Variants in DLG2 observed in about 807,000 individuals in gnomAD.
DLG2 encodes disks large homolog 2.
A neutral mutation model predicts 132.5 loss-of-function variants in DLG2; 45 were observed. The observed-to-expected ratio is 0.34, with a 90% CI of 0.27 to 0.44. The LOEUF is 0.44. Among genes scored for constraint, DLG2 ranks in the 20% least tolerant of loss-of-function variants. The pLI, the probability that DLG2 is intolerant of heterozygous loss-of-function variation, is 1.00. For synonymous variants in DLG2, 424 were observed against 419.6 expected (o/e 1.01, Z -0.13); for missense variants, 1,045 against 1,196.9 (o/e 0.87, Z 1.87).
intron 19 of DLG2, among the ~76,000 whole-genome samples, chr11:83,582,643 T>G (rs1293419532): frequency 2.6e-5 from 4 of 152,204 alleles, no homozygotes; most frequent in Non-Finnish European, 5.9e-5. Context: ...GTTGTATTTG[T>G]GGGATATATA....
chr11:84,600,816 C>G (rs924048125), intron 6 of DLG2, among the ~76,000 whole-genome samples: 2 of 152,020 alleles, frequency 1.3e-5, no homozygotes, highest in African/African-American at 4.8e-5. Flanking sequence ...TGAATTATCA[C>G]TATTAATTAA....
chr11:84,833,906 A>T (rs1041015576), intron 6 of DLG2, among the ~76,000 whole-genome samples: 1 of 151,648 alleles, frequency 6.6e-6, no homozygotes, highest in Non-Finnish European at 1.5e-5. Context: ...AGTTATGTAC[A>T]TACTTGTAAA....
At chr11:83,819,461 C>T (rs1259116522) in intron 17 of DLG2, among the ~76,000 whole-genome samples, 4 of 77,300 alleles carry the variant, frequency 5.2e-5, no homozygotes, top group African/African-American at 1.6e-4. Flanking sequence ...CAGAGCAAGA[C>T]TCTATCTCAA....
At chr11:83,790,723 T>C in intron 17 of DLG2, 1 of 780,092 alleles carries the variant, frequency 1.3e-6, no homozygotes, top group Non-Finnish European at 2.4e-6. Context: ...AACAACCCAT[T>C]CATGGACTGA....
intron 12 of DLG2, among the ~76,000 whole-genome samples, chr11:83,978,779 T>C (rs2092516660): frequency 6.6e-6 from 1 of 151,970 alleles, no homozygotes; most frequent in Non-Finnish European, 1.5e-5. Flanking sequence ...CATGTACTTA[T>C]TAAAAAAGTA....
intron 8 of DLG2, among the ~76,000 whole-genome samples, chr11:84,224,968 G>A (rs1367393492): frequency 6.6e-6 from 1 of 152,148 alleles, no homozygotes; most frequent in Non-Finnish European, 1.5e-5. Context: ...TTACAAAGAT[G>A]ATTTGCCTTT....
At chr11:84,121,561 T>TAGA (rs2093915415) in intron 9 of DLG2, among the ~76,000 whole-genome samples, 1 of 107,594 alleles carries the variant, frequency 9.3e-6, no homozygotes, top group African/African-American at 4.1e-5. Flanking sequence ...TTTTTTTTTT[T>TAGA]TTTTTTTTTT....
chr11:85,398,450 G>C (rs1199137570), intron 3 of DLG2, among the ~76,000 whole-genome samples: 2 of 151,676 alleles, frequency 1.3e-5, no homozygotes, highest in Non-Finnish European at 2.9e-5. Flanking sequence ...GAAGGAGACA[G>C]AGACACAAAA....
chr11:84,348,476 G>C (rs2098548638), intron 7 of DLG2, among the ~76,000 whole-genome samples: 1 of 152,108 alleles, frequency 6.6e-6, no homozygotes, highest in Non-Finnish European at 1.5e-5. Context: ...GTAATATTCA[G>C]GGATCTCTGG....
intron 6 of DLG2, among the ~76,000 whole-genome samples, chr11:84,796,020 A>C (rs921574988): frequency 1.3e-5 from 2 of 152,200 alleles, no homozygotes; most frequent in Admixed American, 1.3e-4. Flanking sequence ...ACCTGGCTCA[A>C]GTGCAGCCTG....
chr11:83,776,355 C>G (rs2094583599), intron 18 of DLG2, among the ~76,000 whole-genome samples: 1 of 152,156 alleles, frequency 6.6e-6, no homozygotes, highest in African/African-American at 2.4e-5. Context: ...GGGTCTTGCT[C>G]TGTCCTGCAA....
Position 83,802,726 on chromosome 11 carries a change from CATT to C in DLG2, c.1723-15937_1723-15935del, listed in dbSNP as rs1275406498. Among the ~76,000 whole-genome samples the C allele has an allele frequency of 2.0e-5, 3 of 151,972 alleles. No individual in the cohort carries two copies. The East Asian group carries it at 5.8e-4, about 29-fold the overall frequency. Reference sequence around the variant, plus strand: ...TAATATTTTGAAACTAAAAAAAAGTCATTATCTATTGCTAAATTAAAGAAAAGC... The same window carrying C: ...TAATATTTTGAAACTAAAAAAAAGTCATCTATTGCTAAATTAAAGAAAAGC... On this transcript the variant is annotated intron_variant, in intron 17 of 27. Coordinates refer to ENST00000376104, the MANE Select transcript of DLG2 (RefSeq NM_001142699.3).
intron 6 of DLG2, among the ~76,000 whole-genome samples, chr11:84,702,947 TA>T (rs2153744245): frequency 6.6e-6 from 1 of 151,780 alleles, no homozygotes; most frequent in African/African-American, 2.4e-5. Flanking sequence ...GATAAAAAAG[TA>T]AATGAACTAA....
intron 6 of DLG2, among the ~76,000 whole-genome samples, chr11:84,842,679 T>G (rs529921435): frequency 6.6e-6 from 1 of 151,828 alleles, no homozygotes; most frequent in East Asian, 1.9e-4. Flanking sequence ...TGCGTAGTAG[T>G]AGGAGGATCT....
chr11:83,730,249 T>C (rs1360932245), intron 18 of DLG2, among the ~76,000 whole-genome samples: 3 of 151,146 alleles, frequency 2.0e-5, no homozygotes, highest in Admixed American at 2.0e-4. Context: ...TTCCTGTTAA[T>C]ACCTCTTTGT....
At chr11:84,445,037 A>G (rs1288111978) in intron 7 of DLG2, among the ~76,000 whole-genome samples, 1 of 152,086 alleles carries the variant, frequency 6.6e-6, no homozygotes, top group Non-Finnish European at 1.5e-5. Context: ...TCCTGACCTC[A>G]GGCAGACCAG....
intron 7 of DLG2, among the ~76,000 whole-genome samples, chr11:84,316,244 T>C (rs1051764687): frequency 2.0e-5 from 3 of 152,214 alleles, no homozygotes; most frequent in Admixed American, 2.0e-4. Context: ...TGCTTAATTC[T>C]TTTATTCTGA....
chr11:85,445,561 T>G (rs1029963865), intron 3 of DLG2, among the ~76,000 whole-genome samples: 1 of 152,012 alleles, frequency 6.6e-6, no homozygotes, highest in Non-Finnish European at 1.5e-5. Flanking sequence ...GCGCCTGTAA[T>G]CCCAGCTACT....
intron 18 of DLG2, chr11:83,681,940 C>T (rs1421174803): frequency 6.0e-6 from 1 of 167,962 alleles, no homozygotes; most frequent in African/African-American, 2.4e-5. Flanking sequence ...ACTTTAGCAA[C>T]CAAAGAAAGC....
Sources: gnomAD v4.1 joint callset for allele counts (sites outside exome capture counted in the v4.1 genomes callset) on GRCh38, gnomAD v4.1.1 for gene constraint, MANE v1.5 for transcripts, NCBI Gene and HGNC (gene_info 2026-07-23, HGNC 2026-07-21) for gene names.